ATAD2: variants seen among roughly 807,000 people sequenced by gnomAD.
ATAD2 encodes the protein ATPase family AAA domain containing 2.
In ATAD2, 62 loss-of-function variants were observed where a neutral mutation model predicts 168.9. The observed-to-expected ratio is 0.37, with a 90% CI of 0.30 to 0.45. The LOEUF is 0.45. Ranked by LOEUF, ATAD2 falls within the 20% of genes least tolerant of loss-of-function variation. The pLI is 1.00. For missense variants in ATAD2, 1,419 were observed against 1,667.8 expected (o/e 0.85, Z 2.60); for synonymous variants, 613 against 571.6 (o/e 1.07, Z -1.03).
chr8:123,326,943 C>T (rs1236515332), intron 25 of ATAD2, among the ~76,000 whole-genome samples: 2 of 152,018 alleles, frequency 1.3e-5, no homozygotes, highest in African/African-American at 4.8e-5. Flanking sequence ...CTTTCTGTCA[C>T]CCAGGCTGGA....
At chr8:123,355,549 T>C (rs149215813) in intron 13 of ATAD2, among the ~76,000 whole-genome samples, 3 of 152,264 alleles carry the variant, frequency 2.0e-5, no homozygotes, top group Non-Finnish European at 4.4e-5. Flanking sequence ...AATGGGGAGA[T>C]TGGTCTAGTA....
chr8:123,394,638 GA>G (rs1046479381), intron 1 of ATAD2, among the ~76,000 whole-genome samples: 6 of 145,924 alleles, frequency 4.1e-5, no homozygotes, highest in Non-Finnish European at 9.1e-5. Flanking sequence ...CTGTCTCGAA[GA>G]AAAAAAAAAG....
At chr8:123,371,545 C>G in intron 4 of ATAD2, 125 bp downstream of exon 4, 1 of 905,760 alleles carries the variant, frequency 1.1e-6, no homozygotes, top group Admixed American at 3.3e-5. Flanking sequence ...CTCTGATAAT[C>G]ATTCTCCTGT....
At chr8:123,405,260 C>CTTTT (rs34575964) in intron 1 of ATAD2, among the ~76,000 whole-genome samples, 3 of 143,254 alleles carry the variant, frequency 2.1e-5, no homozygotes, top group African/African-American at 5.2e-5. Context: ...TTCTTTCTTT[C>CTTTT]TTTTTTTTTT....
chr8:123,374,512 A>T lies in ATAD2; in HGVS notation c.321-1826T>A, dbSNP rs1829248663. Among the ~76,000 whole-genome samples the T allele has an allele frequency of 2.0e-5, 3 of 152,240 alleles. No homozygotes were observed. In the South Asian group the frequency reaches 6.2e-4, roughly 31 times the overall value. On this transcript the variant is annotated intron_variant, in intron 2 of 27. Coordinates refer to ENST00000287394, the MANE Select transcript of ATAD2 (RefSeq NM_014109.4). Reference sequence around the variant, plus strand: ...CAGGCCCCTTTCAGATGCTAGGAACAGAATGACTAAAGCACTATTTTTCTG... The same window carrying T: ...CAGGCCCCTTTCAGATGCTAGGAACTGAATGACTAAAGCACTATTTTTCTG...
At chr8:123,387,584 G>A (rs1405806696) in intron 1 of ATAD2, among the ~76,000 whole-genome samples, 1 of 152,110 alleles carries the variant, frequency 6.6e-6, no homozygotes, top group Non-Finnish European at 1.5e-5. Flanking sequence ...ACCTAGAGAT[G>A]TAATATTCTC....
At chr8:123,381,450 G>A (rs767649362) in intron 1 of ATAD2, among the ~76,000 whole-genome samples, 3 of 152,072 alleles carry the variant, frequency 2.0e-5, no homozygotes, top group East Asian at 1.9e-4. Context: ...GCAGTGACCC[G>A]TGATCGCGCC....
At chr8:123,325,845 G>C in intron 26 of ATAD2, 48 bp downstream of exon 26, 1 of 1,595,678 alleles carries the variant, frequency 6.3e-7, no homozygotes, top group Non-Finnish European at 8.6e-7. Context: ...CAGTGTTTGG[G>C]GATTAGTAAT....
At chr8:123,336,322 G>A in intron 22 of ATAD2, 51 bp downstream of exon 22, 1 of 1,494,370 alleles carries the variant, frequency 6.7e-7, no homozygotes, top group Non-Finnish European at 9.0e-7. Context: ...AACCCTAAGT[G>A]TTAGCTGCCC....
At chr8:123,405,420 C>CTTTTTTTTTT (rs112395027) in intron 1 of ATAD2, among the ~76,000 whole-genome samples, 3 of 148,514 alleles carry the variant, frequency 2.0e-5, no homozygotes. Context: ...TGAAGCCTGG[C>CTTTTTTTTTT]TTTTTTTTTT....
At chr8:123,394,645 A>T (rs1001874068) in intron 1 of ATAD2, among the ~76,000 whole-genome samples, 1 of 152,194 alleles carries the variant, frequency 6.6e-6, no homozygotes, top group Non-Finnish European at 1.5e-5. Context: ...GAAGAAAAAA[A>T]AAAGAGCCTA....
intron 2 of ATAD2, among the ~76,000 whole-genome samples, chr8:123,379,925 T>G (rs1362656471): frequency 6.6e-6 from 1 of 150,448 alleles, no homozygotes; most frequent in Non-Finnish European, 1.5e-5. Context: ...TCGCTCTTGT[T>G]GTCCAGGCTG....
intron 7 of ATAD2, chr8:123,369,384 A>G (rs1050507263): frequency 7.4e-5 from 16 of 217,432 alleles, no homozygotes; most frequent in African/African-American, 3.7e-4. Context: ...TAACATGTAT[A>G]GCACAGATAC....
intron 6 of ATAD2, 151 bp downstream of exon 6, chr8:123,370,752 C>T (rs1257777773): frequency 5.1e-6 from 3 of 582,980 alleles, no homozygotes; most frequent in African/African-American, 1.9e-5. Flanking sequence ...TCCTCTTAAG[C>T]TCTCCCCTTT....
At chr8:123,364,936 CAA>C (rs1317141003) in intron 8 of ATAD2, among the ~76,000 whole-genome samples, 1 of 151,818 alleles carries the variant, frequency 6.6e-6, no homozygotes, top group Non-Finnish European at 1.5e-5. Context: ...AGCAATCAGA[CAA>C]GAGAAAAAAA....
At chr8:123,361,724 A>T in intron 8 of ATAD2, 78 bp from the exon 9 acceptor site, 1 of 1,145,128 alleles carries the variant, frequency 8.7e-7, no homozygotes, top group Non-Finnish European at 1.3e-6. Context: ...CATCAGAAAT[A>T]CCTAATGCTC....
intron 13 of ATAD2, among the ~76,000 whole-genome samples, chr8:123,354,133 C>CA (rs895294028): frequency 7.3e-5 from 11 of 151,558 alleles, no homozygotes; most frequent in East Asian, 5.8e-4. Context: ...GACTTTGTCT[C>CA]AAAAAAAACA....
In ATAD2 at chr8:123,402,860, A is replaced by G. The variant is rs1341259090; in HGVS notation, c.-2281-1685T>C. Among the ~76,000 whole-genome samples, 1 of 151,944 alleles carries G rather than the reference A, an allele frequency of 6.6e-6. No homozygotes were observed. Among genetic ancestry groups the G allele is most frequent in the South Asian group, 2.1e-4 (1 of 4,812 alleles). ...ATAATAATAAAAATCAACACACTAC[A>G]CACAGCTTCAGGTGCCTCCTCTAAA... On this transcript the variant is annotated intron_variant, in intron 1 of 28. Coordinates refer to the ATAD2 transcript ENST00000521903. The surrounding 1 kb of genome is among the most constrained non-coding windows in gnomAD (Gnocchi z 4.8).
chr8:123,370,201 T>C (rs192442243), intron 6 of ATAD2, among the ~76,000 whole-genome samples, 177 bp from the exon 7 acceptor site: 47 of 149,820 alleles, frequency 3.1e-4, no homozygotes, highest in African/African-American at 9.0e-4. Flanking sequence ...TGGGAAGTAT[T>C]TGTAATTCTT....
Sources: allele counts gnomAD v4.1 joint callset (sites outside exome capture counted in the v4.1 genomes callset), GRCh38; gene constraint gnomAD v4.1.1; non-coding constraint Gnocchi (gnomAD v3.1); transcripts MANE v1.5; gene names NCBI Gene and HGNC (gene_info 2026-07-23, HGNC 2026-07-21).